The following EXOC4 variants were observed in gnomAD, a reference collection of about 807,000 sequenced individuals.
EXOC4 encodes the protein SEC8-like 1.
Under a neutral mutation model 107.2 loss-of-function variants are expected in EXOC4, and 71 were observed. The observed-to-expected ratio is 0.66, with a 90% CI of 0.55 to 0.81. The LOEUF is 0.81. Ranked by LOEUF, EXOC4 falls within the 30% of genes least tolerant of loss-of-function variation. The pLI is 0.00. For missense variants in EXOC4, 1,108 were observed against 1,189.6 expected, an observed-to-expected ratio of 0.93 and a Z score of 1.01; for synonymous variants, 456 against 441.2, an observed-to-expected ratio of 1.03 and a Z score of -0.42.
At chr7:133,864,585 C>G (rs1330374648) in intron 11 of EXOC4, among the ~76,000 whole-genome samples, 3 of 152,164 alleles carry the variant, frequency 2.0e-5, no homozygotes, top group Non-Finnish European at 4.4e-5. Context: ...ATTGCCAAAT[C>G]CTTTCCTTCT....
rs116171100 is a variant in EXOC4, at chr7:133,483,970, A to T, written c.1417+3832A>T. ...GGGAAGATTTTTGTTTCTTCTGTTA[A>T]CACCATATAGCGGCAGGCTTTGCTT... On this transcript the variant is annotated intron_variant, in intron 9 of 17. Coordinates refer to ENST00000253861, the MANE Select transcript of EXOC4 (RefSeq NM_021807.4). 9.4e-4 allele frequency: 1,458 copies of T among 1,543,138 alleles called. 7 individuals carry two copies. The African/African-American group carries it at 0.017, about 18-fold the overall frequency.
intron 7 of EXOC4, among the ~76,000 whole-genome samples, chr7:133,442,065 G>A (rs1052230731): frequency 1.3e-5 from 2 of 152,116 alleles, no homozygotes; most frequent in Non-Finnish European, 1.5e-5. Context: ...CACTTACAAG[G>A]CTTGCCATAA....
At chr7:133,400,785 T>G (rs1259390783) in intron 7 of EXOC4, among the ~76,000 whole-genome samples, 1 of 152,176 alleles carries the variant, frequency 6.6e-6, no homozygotes, top group East Asian at 1.9e-4. Flanking sequence ...TGTTACGTGG[T>G]AGGTTAATAA....
chr7:133,452,746 CAG>C (rs1268097252), intron 7 of EXOC4, among the ~76,000 whole-genome samples: 6 of 151,894 alleles, frequency 4.0e-5, no homozygotes, highest in African/African-American at 1.5e-4. Context: ...GCAGTGATGA[CAG>C]AATAGCCAAC....
intron 7 of EXOC4, among the ~76,000 whole-genome samples, chr7:133,458,786 C>T (rs889948940): frequency 1.2e-4 from 19 of 152,182 alleles, no homozygotes; most frequent in Non-Finnish European, 2.2e-4. Flanking sequence ...TGGAACTTCA[C>T]GTAAAAATAA....
chr7:133,554,987 A>C (rs914897954), intron 9 of EXOC4, among the ~76,000 whole-genome samples: 3 of 152,212 alleles, frequency 2.0e-5, no homozygotes, highest in Non-Finnish European at 4.4e-5. Flanking sequence ...TGGGGAAAGC[A>C]GTGAATTAGA....
At chr7:133,822,994 A>G (rs897478013) in intron 11 of EXOC4, among the ~76,000 whole-genome samples, 1 of 152,228 alleles carries the variant, frequency 6.6e-6, no homozygotes, top group East Asian at 1.9e-4. Flanking sequence ...TTGATTTTGC[A>G]AAGTTGTTTC....
At chr7:134,033,430 T>C (rs1795313475) in intron 17 of EXOC4, among the ~76,000 whole-genome samples, 1 of 152,104 alleles carries the variant, frequency 6.6e-6, no homozygotes, top group Non-Finnish European at 1.5e-5. Flanking sequence ...AGCCTGACAG[T>C]TGGCATCCCA....
In EXOC4 at chr7:133,253,201, G is replaced by T. The variant is rs1351441369; in HGVS notation, c.86+14G>T. 6.2e-7 allele frequency: 1 copy of T among 1,613,254 alleles called. No individual in the cohort carries two copies. The highest frequency in any genetic ancestry group is 2.2e-5 in the East Asian group (1 of 44,854). Reference sequence around the variant, plus strand: ...CTCTGTGATCAGGTGAGGGAGGCAGGAGGCAGGGTCTGGGGACTGGGGGCA... The same window carrying T: ...CTCTGTGATCAGGTGAGGGAGGCAGTAGGCAGGGTCTGGGGACTGGGGGCA... On this transcript the variant is annotated intron_variant, in intron 1 of 17. Transcript: ENST00000253861.
rs149056095 is a variant in EXOC4 at position 134,019,415 on chromosome 7, G to GTGATGA, written c.2687+11608_2687+11613dup. Among the ~76,000 whole-genome samples, 787 of 148,740 alleles carry GTGATGA rather than the reference G, an allele frequency of 5.3e-3. 8 individuals carry two copies. Among genetic ancestry groups the GTGATGA allele is most frequent in the East Asian group, 0.012 (59 of 5,046 alleles). On this transcript the variant is annotated intron_variant, in intron 17 of 17. Coordinates refer to ENST00000253861, the MANE Select transcript of EXOC4 (RefSeq NM_021807.4). ...GGCCTATATTGGTGACTTTCTCTCA[G>GTGATGA]TGATGATGATGATGATGATGATGAT...
At position 133,708,611 on chromosome 7, in the gene EXOC4, G is replaced by A. The variant is rs6952271; in HGVS notation, c.1514+78470G>A. Among the ~76,000 whole-genome samples, 468 of 152,234 alleles carry A rather than the reference G, an allele frequency of 3.1e-3. 5 individuals carry two copies. Among genetic ancestry groups the A allele is most frequent in the African/African-American group, 0.011 (439 of 41,542 alleles). ...GTGAGCACTGTGATGGGTTCTTCCC[G>A]TTCATTCTCTCATTTAAGTCCTGCA... is the stretch of plus-strand genomic sequence containing the variant. On this transcript the variant is annotated intron_variant, in intron 10 of 17. Coordinates refer to ENST00000253861, the MANE Select transcript of EXOC4 (RefSeq NM_021807.4).
chr7:133,723,520 T>G (rs1303456245), intron 10 of EXOC4, among the ~76,000 whole-genome samples: 1 of 151,358 alleles, frequency 6.6e-6, no homozygotes, highest in Non-Finnish European at 1.5e-5. Flanking sequence ...GGACAAAGTC[T>G]CACTCTGTTG....
At chr7:133,978,710 G>A (rs760729718) in intron 14 of EXOC4, among the ~76,000 whole-genome samples, 23 of 152,222 alleles carry the variant, frequency 1.5e-4, no homozygotes, top group Non-Finnish European at 3.1e-4. Context: ...CTGCGAGGAA[G>A]CAGCTGTCTG....
chr7:133,844,999 T>G (rs368916846), intron 11 of EXOC4, among the ~76,000 whole-genome samples: 9 of 152,190 alleles, frequency 5.9e-5, no homozygotes, highest in East Asian at 5.8e-4. Context: ...AACTCGAGCC[T>G]GAAAATCCAA....
intron 9 of EXOC4, among the ~76,000 whole-genome samples, chr7:133,599,200 A>G (rs191296934): frequency 2.0e-5 from 3 of 152,170 alleles, no homozygotes; most frequent in Non-Finnish European, 4.4e-5. Flanking sequence ...AAAGAATTAC[A>G]TATGTGACCC....
At chr7:133,518,744 A>C (rs1473192466) in intron 9 of EXOC4, among the ~76,000 whole-genome samples, 1 of 152,176 alleles carries the variant, frequency 6.6e-6, no homozygotes, top group East Asian at 1.9e-4. Context: ...GAAAGGACAA[A>C]TATTGTATGA....
chr7:133,376,599 C>T (rs904234572), intron 7 of EXOC4, among the ~76,000 whole-genome samples: 1 of 152,272 alleles, frequency 6.6e-6, no homozygotes, highest in African/African-American at 2.4e-5. Flanking sequence ...AACTATTAGC[C>T]CTTTGGTCAG....
chr7:133,441,438 T>G (rs2150791877), intron 7 of EXOC4, among the ~76,000 whole-genome samples: 1 of 152,338 alleles, frequency 6.6e-6, no homozygotes, highest in South Asian at 2.1e-4. Context: ...TCACCCAGTC[T>G]GGAGAGCAGT....
chr7:133,355,910 T>G (rs1023335322), intron 5 of EXOC4, among the ~76,000 whole-genome samples: 1 of 152,212 alleles, frequency 6.6e-6, no homozygotes, highest in Admixed American at 6.5e-5. Context: ...CATGATGTCT[T>G]TTTCTCCAGC....
Sources: gnomAD v4.1 joint callset for allele counts (sites outside exome capture counted in the v4.1 genomes callset) on GRCh38, gnomAD v4.1.1 for gene constraint, MANE v1.5 for transcripts, NCBI Gene and HGNC (gene_info 2026-07-23, HGNC 2026-07-21) for gene names.